ANKH: variants seen among roughly 807,000 people sequenced by gnomAD.
ANKH encodes the protein ANKH inorganic pyrophosphate transport regulator.
Under a neutral mutation model 49.0 loss-of-function variants are expected in ANKH, and 15 were observed. That is an observed-to-expected ratio of 0.31 (90% confidence interval 0.20 to 0.47). The LOEUF (loss-of-function observed/expected upper bound fraction) is 0.47, where lower values mean the gene tolerates loss of function less well. ANKH is among the 20% of genes least tolerant of loss of function. The pLI is 1.00. For synonymous variants in ANKH, 273 were observed against 260.0 expected (o/e 1.05, Z -0.48); for missense variants, 429 against 652.0 (o/e 0.66, Z 3.72).
At chr5:14,859,850 A>C (rs1406005115) in intron 1 of ANKH, among the ~76,000 whole-genome samples, 6 of 152,274 alleles carry the variant, frequency 3.9e-5, no homozygotes, top group Admixed American at 2.6e-4. Context: ...TGAATTTTAC[A>C]AAAACAAAGG....
chr5:14,759,951 C>T (rs891952867), intron 2 of ANKH, among the ~76,000 whole-genome samples: 2 of 152,130 alleles, frequency 1.3e-5, no homozygotes, highest in African/African-American at 4.8e-5. Flanking sequence ...GGTGTGCCTA[C>T]TATTTTCATT....
chr5:14,869,564 T>G (rs577133369), intron 1 of ANKH: 1 of 152,362 alleles, frequency 6.6e-6, no homozygotes, highest in East Asian at 1.9e-4. Context: ...TAGCAATGTT[T>G]TAAGGATGAG....
intron 2 of ANKH, among the ~76,000 whole-genome samples, chr5:14,761,418 G>C (rs1264398132): frequency 6.6e-6 from 1 of 152,158 alleles, no homozygotes; most frequent in Non-Finnish European, 1.5e-5. Flanking sequence ...GCAGCTGAGA[G>C]CAGGGCATGC....
intron 1 of ANKH, among the ~76,000 whole-genome samples, chr5:14,868,014 C>T (rs915118074): frequency 6.6e-6 from 1 of 152,116 alleles, no homozygotes; most frequent in Non-Finnish European, 1.5e-5. Context: ...ATTTGGTTTC[C>T]TCCCTGACTG....
At chr5:14,862,448 A>G (rs1735524612) in intron 1 of ANKH, among the ~76,000 whole-genome samples, 2 of 152,170 alleles carry the variant, frequency 1.3e-5, no homozygotes, top group African/African-American at 4.8e-5. Context: ...AAACTAATTA[A>G]CCAACAAAGA....
intron 1 of ANKH, among the ~76,000 whole-genome samples, chr5:14,850,782 C>G (rs1183972626): frequency 1.3e-5 from 2 of 152,202 alleles, no homozygotes; most frequent in Non-Finnish European, 2.9e-5. Context: ...TGAAACAGAC[C>G]TGATTTGTGA....
At chr5:14,849,354 G>A (rs1561083211) in intron 1 of ANKH, among the ~76,000 whole-genome samples, 1 of 152,172 alleles carries the variant, frequency 6.6e-6, no homozygotes, top group Non-Finnish European at 1.5e-5. Context: ...ATCCCTTAAA[G>A]CAAAGGGGTT....
intron 1 of ANKH, among the ~76,000 whole-genome samples, chr5:14,838,729 C>A (rs2126607081): frequency 6.6e-6 from 1 of 152,304 alleles, no homozygotes; most frequent in Admixed American, 6.5e-5. Context: ...TGCACACTTT[C>A]TGATAAAGGA....
intron 1 of ANKH, among the ~76,000 whole-genome samples, chr5:14,838,456 A>G (rs998865350): frequency 2.0e-5 from 3 of 151,790 alleles, no homozygotes; most frequent in African/African-American, 7.2e-5. Flanking sequence ...AGAAAAAAAA[A>G]TCACAGCCTG....
At position 14,770,919 on chromosome 5, in the gene ANKH, T is replaced by C. The variant is rs554585821; in HGVS notation, c.97-1728A>G. On this transcript the variant is annotated intron_variant, in intron 1 of 11. Transcript: ENST00000284268. This position sits in a 1 kb window ranked among gnomAD's most constrained non-coding sequence, Gnocchi z 4.1. ...GCCCTGCCATTTGTCACTCATCCAA[T>C]AGAGACACAATCACATTCATAGAAT... Among the ~76,000 whole-genome samples, 16 of 152,364 alleles carry C rather than the reference T, an allele frequency of 1.1e-4. No homozygotes were observed. Among genetic ancestry groups the C allele is most frequent in the Admixed American group, 3.3e-4 (5 of 15,306 alleles).
At chr5:14,792,995 T>A (rs1456642759) in intron 1 of ANKH, among the ~76,000 whole-genome samples, 1 of 77,130 alleles carries the variant, frequency 1.3e-5, no homozygotes, top group Admixed American at 1.5e-4. Context: ...TATAAAAATA[T>A]ATATATATAT....
chr5:14,812,802 C>A (rs1385025896), intron 1 of ANKH, among the ~76,000 whole-genome samples: 2 of 152,174 alleles, frequency 1.3e-5, no homozygotes, highest in Non-Finnish European at 2.9e-5. Flanking sequence ...TTCTTTAACA[C>A]AGGAAACGAT....
chr5:14,828,047 G>C (rs773678751), intron 1 of ANKH, among the ~76,000 whole-genome samples: 25 of 152,196 alleles, frequency 1.6e-4, no homozygotes, highest in Non-Finnish European at 3.1e-4. Context: ...ATGTTGCTTT[G>C]TTTCTAGGCT....
At chr5:14,719,159 G>A (rs1288363880) in intron 8 of ANKH, among the ~76,000 whole-genome samples, 5 of 152,234 alleles carry the variant, frequency 3.3e-5, no homozygotes, top group Non-Finnish European at 7.3e-5. Flanking sequence ...AGCTTCCTAT[G>A]AGCTTCTGGC....
Position 14,745,298 on chromosome 5 carries a change from G to C in ANKH, c.915+572C>G, listed in dbSNP as rs1463984464. On this transcript the variant is annotated intron_variant, in intron 7 of 11. Coordinates refer to ENST00000284268, the MANE Select transcript of ANKH (RefSeq NM_054027.6). The surrounding 1 kb of genome is among the most constrained non-coding windows in gnomAD (Gnocchi z 4.7). ...AATTGAATGACAGCAGGACAGTGCT[G>C]ACTGGGTCACAAGTTACAGGGCAGA... Among the ~76,000 whole-genome samples the C allele has an allele frequency of 6.6e-6, 1 of 152,244 alleles. No homozygotes were observed. The highest frequency in any genetic ancestry group is 1.5e-5 in the Non-Finnish European group (1 of 68,042).
intron 1 of ANKH, among the ~76,000 whole-genome samples, chr5:14,835,928 T>A (rs1047765410): frequency 2.6e-5 from 4 of 152,206 alleles, no homozygotes; most frequent in Admixed American, 2.0e-4. Flanking sequence ...CACGATCAAG[T>A]TGGCTTCATC....
At chr5:14,755,464 C>T (rs1738855350) in intron 4 of ANKH, among the ~76,000 whole-genome samples, 2 of 152,180 alleles carry the variant, frequency 1.3e-5, no homozygotes, top group Non-Finnish European at 1.5e-5. Flanking sequence ...AGCCTTCCCT[C>T]TAGGACAGAG....
At position 14,713,439 on chromosome 5, in the gene ANKH, C is replaced by G. The variant is rs1436436082; in HGVS notation, c.1265+105G>C. On this transcript the variant is annotated intron_variant, in intron 10 of 11. Transcript: ENST00000284268. This position sits in a 1 kb window ranked among gnomAD's most constrained non-coding sequence, Gnocchi z 4.4. ...AAAACATCATTCTGAATTTCCGATTCTAGACGTGCCTGGGGATTTCCCCTG... is the reference window on the plus strand; with the variant it reads ...AAAACATCATTCTGAATTTCCGATTGTAGACGTGCCTGGGGATTTCCCCTG... The G allele has an allele frequency of 3.4e-6, 5 of 1,485,970 alleles. No homozygotes were observed. Among genetic ancestry groups the G allele is most frequent in the African/African-American group, 1.4e-5 (1 of 71,736 alleles). The allele number at this position is 1,485,970 out of a possible 1,614,324, so 92.0% of individuals were successfully genotyped here. A position where few individuals can be genotyped will look rare whatever the true frequency, so the allele number is the denominator to read the frequency against.
intron 3 of ANKH, among the ~76,000 whole-genome samples, chr5:14,756,877 G>T (rs953331640): frequency 6.6e-6 from 1 of 152,154 alleles, no homozygotes; most frequent in Non-Finnish European, 1.5e-5. Context: ...TTATACCAGG[G>T]TCTCTGGGGG....
Sources: allele counts gnomAD v4.1 joint callset (sites outside exome capture counted in the v4.1 genomes callset), GRCh38; gene constraint gnomAD v4.1.1; non-coding constraint Gnocchi (gnomAD v3.1); transcripts MANE v1.5; gene names NCBI Gene and HGNC (gene_info 2026-07-23, HGNC 2026-07-21).